Variants in CRYL1 observed in about 807,000 individuals in gnomAD.
CRYL1 encodes lambda-crystallin homolog.
Under a neutral mutation model 36.6 loss-of-function variants are expected in CRYL1, and 29 were observed. The ratio of observed to expected loss-of-function variants is 0.79; its 90% CI spans 0.59 to 1.08. The LOEUF is 1.08. Ranked by LOEUF, CRYL1 falls within the 50% of genes least tolerant of loss-of-function variation. The pLI, the probability that CRYL1 is intolerant of heterozygous loss-of-function variation, is 0.00. For synonymous variants in CRYL1, 152 were observed against 151.5 expected (o/e 1.00, Z -0.02); for missense variants, 411 against 407.9 (o/e 1.01, Z -0.06).
At chr13:20,476,346 C>T (rs979763944) in intron 3 of CRYL1, among the ~76,000 whole-genome samples, 1 of 139,474 alleles carries the variant, frequency 7.2e-6, no homozygotes, top group African/African-American at 3.0e-5. Context: ...CAGAGCAAAA[C>T]TCCATCTCAA....
intron 4 of CRYL1, among the ~76,000 whole-genome samples, chr13:20,434,635 C>A (rs2032167054): frequency 6.7e-6 from 1 of 149,084 alleles, no homozygotes; most frequent in Admixed American, 6.7e-5. Flanking sequence ...ACACCCCCAC[C>A]TGCAGCGTTA....
intron 2 of CRYL1, among the ~76,000 whole-genome samples, chr13:20,499,822 T>G (rs1413489830): frequency 7.2e-5 from 11 of 152,228 alleles, no homozygotes; most frequent in Admixed American, 7.2e-4. Flanking sequence ...TCATGTTAAA[T>G]TGTTGTATCC....
chr13:20,442,070 G>A (rs1282098700), intron 3 of CRYL1, among the ~76,000 whole-genome samples: 1 of 152,208 alleles, frequency 6.6e-6, no homozygotes, highest in Admixed American at 6.5e-5. Context: ...GTTGGGTTAA[G>A]TTTAAATGGA....
chr13:20,481,030 A>G lies in CRYL1; in HGVS notation c.276+8340T>C, dbSNP rs1011127308. On this transcript the variant is annotated intron_variant, in intron 3 of 7. Transcript: ENST00000298248. This position sits in a 1 kb window ranked among gnomAD's most constrained non-coding sequence, Gnocchi z 4.1. ...AATAAAAATACAGCTTCACAGAAATAAGACCTCGTGCCCAGTTCTGTAAGC... is the reference window on the plus strand; with the variant it reads ...AATAAAAATACAGCTTCACAGAAATGAGACCTCGTGCCCAGTTCTGTAAGC... Among the ~76,000 whole-genome samples the G allele has an allele frequency of 2.6e-5, 4 of 152,260 alleles. No individual in the cohort carries two copies. Among genetic ancestry groups the G allele is most frequent in the African/African-American group, 4.8e-5 (2 of 41,472 alleles).
intron 6 of CRYL1, among the ~76,000 whole-genome samples, chr13:20,406,792 G>A (rs1376170127): frequency 6.6e-6 from 1 of 151,866 alleles, no homozygotes; most frequent in Admixed American, 6.6e-5. Context: ...AAAATGGAAA[G>A]AGCTGCTGTG....
In CRYL1 at chr13:20,425,160, C is replaced by T. The variant is rs2031905689; in HGVS notation, c.633+6942G>A. On this transcript the variant is annotated intron_variant, in intron 5 of 7. Coordinates refer to ENST00000298248, the MANE Select transcript of CRYL1 (RefSeq NM_015974.3). The surrounding 1 kb of genome is among the most constrained non-coding windows in gnomAD (Gnocchi z 4.4). Reference sequence around the variant, plus strand: ...CACAGCAATTCACTTCCAACGCCGTCCTTCCCCAGAAAAGCTGCCAGCAGG... The same window carrying T: ...CACAGCAATTCACTTCCAACGCCGTTCTTCCCCAGAAAAGCTGCCAGCAGG... 6.6e-6 allele frequency among the ~76,000 whole-genome samples: 1 copy of T among 152,232 alleles called. No individual in the cohort carries two copies. Among genetic ancestry groups the T allele is most frequent in the African/African-American group, 2.4e-5 (1 of 41,464 alleles).
chr13:20,509,248 G>GTT (rs1462161548), intron 2 of CRYL1, among the ~76,000 whole-genome samples: 1 of 25,944 alleles, frequency 3.9e-5, no homozygotes, highest in Non-Finnish European at 8.0e-5. Context: ...TTGCCTCATA[G>GTT]TTTTTTGTTT....
chr13:20,433,183 G>A (rs566546293), intron 4 of CRYL1, among the ~76,000 whole-genome samples: 1 of 152,270 alleles, frequency 6.6e-6, no homozygotes, highest in Admixed American at 6.5e-5. Context: ...GCCCAACACA[G>A]GAAGGCATTG....
At chr13:20,513,465 AC>A (rs1205798944) in intron 1 of CRYL1, 1 of 152,240 alleles carries the variant, frequency 6.6e-6, no homozygotes, top group Non-Finnish European at 1.5e-5. Context: ...GTTAATCTTT[AC>A]AACAACCCTA....
rs2033176568 is a variant in CRYL1 at position 20,476,831 on chromosome 13, TG to T, written c.276+12538del. The T allele has an allele frequency of 1.3e-5, 2 of 152,220 alleles. 1 individual carries two copies. The highest frequency in any genetic ancestry group is 4.1e-4 in the South Asian group (2 of 4,838). 9.4% of individuals were successfully genotyped at this position (152,220 alleles called of 1,614,324 possible). A position where few individuals can be genotyped will look rare whatever the true frequency, so the allele number is the denominator to read the frequency against. ...TAGGCCCAGGAGTTCAAGACCAGCT[TG>T]GACAACACAGTGAGACCTCGACTCT... On this transcript the variant is annotated intron_variant, in intron 3 of 7. Coordinates refer to ENST00000298248, the MANE Select transcript of CRYL1 (RefSeq NM_015974.3).
intron 3 of CRYL1, among the ~76,000 whole-genome samples, chr13:20,475,186 C>G (rs925348883): frequency 1.3e-5 from 2 of 152,286 alleles, no homozygotes; most frequent in Admixed American, 6.5e-5. Context: ...TCCGCCACCT[C>G]AGGAGCACCG....
intron 2 of CRYL1, among the ~76,000 whole-genome samples, chr13:20,508,864 A>AAAC (rs2033855783): frequency 3.7e-5 from 2 of 53,714 alleles, no homozygotes; most frequent in African/African-American, 1.6e-4. Context: ...AAAAAAAAAA[A>AAAC]AAAAAAAAAA....
chr13:20,493,834 C>T (rs922389988), intron 2 of CRYL1, among the ~76,000 whole-genome samples: 4 of 152,190 alleles, frequency 2.6e-5, no homozygotes, highest in Non-Finnish European at 5.9e-5. Flanking sequence ...CACCCTATAA[C>T]TGCTGTGAGC....
chr13:20,508,189 A>C (rs1387095113), intron 2 of CRYL1, among the ~76,000 whole-genome samples: 1 of 152,074 alleles, frequency 6.6e-6, no homozygotes, highest in Non-Finnish European at 1.5e-5. Flanking sequence ...AGATCACACC[A>C]CCCCACTCCA....
Position 20,495,716 on chromosome 13 carries a change from A to G in CRYL1, c.150-6220T>C, listed in dbSNP as rs35886464. ...TGTTCCTAGCAGTGTTGTCAACAAC[A>G]GAAGAAGCAAGCAATCCAAAAGTCC... On this transcript the variant is annotated intron_variant, in intron 2 of 7. Transcript: ENST00000298248. Among the ~76,000 whole-genome samples, 1,395 of 152,384 alleles carry G rather than the reference A, an allele frequency of 9.2e-3. 8 individuals carry two copies. The highest frequency in any genetic ancestry group is 0.015 in the Non-Finnish European group (1,015 of 68,034).
At chr13:20,458,860 A>C (rs528206198) in intron 3 of CRYL1, among the ~76,000 whole-genome samples, 8 of 152,366 alleles carry the variant, frequency 5.3e-5, no homozygotes, top group African/African-American at 1.9e-4. Context: ...ATCTCTCAAA[A>C]GCTACATATT....
chr13:20,405,376 G>T (rs2031343494), intron 6 of CRYL1, among the ~76,000 whole-genome samples: 2 of 152,314 alleles, frequency 1.3e-5, no homozygotes, highest in South Asian at 4.1e-4. Context: ...TGATTTGTTG[G>T]CTATCACAGT....
At chr13:20,431,070 A>G (rs1565961473) in intron 5 of CRYL1, 5 of 985,322 alleles carry the variant, frequency 5.1e-6, no homozygotes, top group Non-Finnish European at 6.0e-6. Context: ...CCAGTCAGAC[A>G]ATGTACCTAA....
intron 1 of CRYL1, among the ~76,000 whole-genome samples, chr13:20,515,440 C>T (rs1440256984): frequency 6.6e-6 from 1 of 151,736 alleles, no homozygotes; most frequent in Non-Finnish European, 1.5e-5. Flanking sequence ...GTGGATGGAG[C>T]CAGTAAATAA....
Sources: allele counts gnomAD v4.1 joint callset (sites outside exome capture counted in the v4.1 genomes callset), GRCh38; gene constraint gnomAD v4.1.1; non-coding constraint Gnocchi (gnomAD v3.1); transcripts MANE v1.5; gene names NCBI Gene and HGNC (gene_info 2026-07-23, HGNC 2026-07-21).